Variants in AGBL3 observed in about 807,000 individuals in gnomAD.
The protein encoded by AGBL3 is cytosolic carboxypeptidase 3.
A neutral mutation model predicts 94.5 loss-of-function variants in AGBL3; 68 were observed. The ratio of observed to expected loss-of-function variants is 0.72; its 90% CI spans 0.59 to 0.88. AGBL3 has a LOEUF of 0.88. Ranked by LOEUF, AGBL3 falls within the 40% of genes least tolerant of loss-of-function variation. The probability of loss-of-function intolerance (pLI) is 0.00; values close to 1 mark genes in which losing one functional copy is unlikely to be tolerated. For missense variants in AGBL3, 934 were observed against 1,103.8 expected (o/e 0.85, Z 2.18); for synonymous variants, 354 against 370.7 (o/e 0.95, Z 0.52).
At chr7:135,050,297 C>G (rs1323167174) in intron 11 of AGBL3, among the ~76,000 whole-genome samples, 2 of 151,838 alleles carry the variant, frequency 1.3e-5, no homozygotes, top group Non-Finnish European at 2.9e-5. Context: ...TGTTTTGTGG[C>G]CTAACATGTG....
At chr7:135,007,376 C>T (rs958059507) in intron 4 of AGBL3, among the ~76,000 whole-genome samples, 9 of 151,752 alleles carry the variant, frequency 5.9e-5, no homozygotes, top group African/African-American at 2.2e-4. Flanking sequence ...GTTGTTTGTT[C>T]CCTGTACCCA....
chr7:135,061,924 T>C (rs1030562215), intron 12 of AGBL3, among the ~76,000 whole-genome samples: 5 of 152,096 alleles, frequency 3.3e-5, no homozygotes, highest in African/African-American at 7.2e-5. Context: ...AAAAATCCCA[T>C]TGGAATTTTG....
intron 4 of AGBL3, among the ~76,000 whole-genome samples, chr7:135,001,657 T>C (rs1811732297): frequency 6.6e-6 from 1 of 152,176 alleles, no homozygotes; most frequent in Non-Finnish European, 1.5e-5. Flanking sequence ...TCCTTTTGTC[T>C]TTCCCTATTC....
chr7:135,020,201 C>CA (rs1162068210), intron 5 of AGBL3, among the ~76,000 whole-genome samples: 12 of 103,564 alleles, frequency 1.2e-4, no homozygotes, highest in Non-Finnish European at 2.0e-4. Context: ...ACAAAGAACT[C>CA]AAACAAATTT....
At chr7:135,071,149 G>C (rs1351621971) in intron 12 of AGBL3, among the ~76,000 whole-genome samples, 1 of 151,988 alleles carries the variant, frequency 6.6e-6, no homozygotes, top group Non-Finnish European at 1.5e-5. Flanking sequence ...AAAATACCTA[G>C]GAATCCAACT....
intron 11 of AGBL3, among the ~76,000 whole-genome samples, chr7:135,054,063 C>G (rs1477343133): frequency 2.6e-5 from 4 of 152,108 alleles, no homozygotes; most frequent in African/African-American, 9.7e-5. Context: ...TGAAACACAT[C>G]AAGTCAGTAC....
At chr7:135,010,168 A>G in intron 4 of AGBL3, 1 of 364,628 alleles carries the variant, frequency 2.7e-6, no homozygotes, top group Non-Finnish European at 5.2e-6. Flanking sequence ...AGCAGAGACT[A>G]CAGGCGCGTG....
chr7:135,014,467 T>A (rs1056945335), intron 4 of AGBL3, among the ~76,000 whole-genome samples: 1 of 152,060 alleles, frequency 6.6e-6, no homozygotes, highest in African/African-American at 2.4e-5. Flanking sequence ...AAAAGTGGGA[T>A]CACCCAAAGA....
At chr7:134,997,399 G>GT (rs1285363511) in intron 4 of AGBL3, among the ~76,000 whole-genome samples, 2 of 152,108 alleles carry the variant, frequency 1.3e-5, no homozygotes, top group African/African-American at 4.8e-5. Context: ...GCTTCCAGTT[G>GT]TTCTCTCCCT....
At chr7:135,073,543 G>T (rs12707208) in intron 12 of AGBL3, among the ~76,000 whole-genome samples, 66,425 of 151,530 alleles carry the variant, frequency 0.44, 15,393 homozygotes, top group East Asian at 0.78. Flanking sequence ...GTAGTAGGAA[G>T]AGCCGCAGAC....
chr7:135,080,662 A>T (rs1001410243), intron 14 of AGBL3, among the ~76,000 whole-genome samples: 3 of 151,500 alleles, frequency 2.0e-5, no homozygotes, highest in Admixed American at 2.0e-4. Flanking sequence ...CAGGAGAGAA[A>T]TTAATTCATA....
chr7:135,003,175 AG>A (rs751791654), intron 4 of AGBL3, among the ~76,000 whole-genome samples: 40 of 152,148 alleles, frequency 2.6e-4, no homozygotes, highest in Non-Finnish European at 4.7e-4. Flanking sequence ...TTTTGATATA[AG>A]AAGTAAACTT....
At chr7:135,078,753 G>T (rs1352375914) in intron 13 of AGBL3, among the ~76,000 whole-genome samples, 1 of 152,040 alleles carries the variant, frequency 6.6e-6, no homozygotes, top group Non-Finnish European at 1.5e-5. Flanking sequence ...CTTTGAGAAA[G>T]TTGCATACAT....
chr7:135,019,091 C>T (rs1814131697), intron 5 of AGBL3, among the ~76,000 whole-genome samples: 1 of 152,178 alleles, frequency 6.6e-6, no homozygotes. Context: ...TTCAGTCATA[C>T]AGTAAGTACA....
chr7:135,054,627 C>T (rs1018177318), intron 11 of AGBL3, among the ~76,000 whole-genome samples: 27 of 152,002 alleles, frequency 1.8e-4, no homozygotes, highest in Non-Finnish European at 2.8e-4. Flanking sequence ...TAATAAACTA[C>T]TTATGTAGTT....
At chr7:134,999,181 C>T (rs1202565547) in intron 4 of AGBL3, among the ~76,000 whole-genome samples, 1 of 152,200 alleles carries the variant, frequency 6.6e-6, no homozygotes, top group African/African-American at 2.4e-5. Context: ...CAAATTGCCA[C>T]AGTATCTTCT....
chr7:135,048,143 T>C (rs577464960), intron 11 of AGBL3, among the ~76,000 whole-genome samples: 1 of 151,950 alleles, frequency 6.6e-6, no homozygotes, highest in Non-Finnish European at 1.5e-5. Context: ...GGCACCCGTA[T>C]TGAAGATTAT....
At chr7:135,058,621 G>GAA (rs563616702) in intron 11 of AGBL3, among the ~76,000 whole-genome samples, 1 of 146,230 alleles carries the variant, frequency 6.8e-6, no homozygotes, top group Non-Finnish European at 1.5e-5. Context: ...GAGCCAGACA[G>GAA]AAAAAAAAAA....
intron 15 of AGBL3, chr7:135,093,988 G>C (rs1441602079): frequency 5.8e-6 from 1 of 171,396 alleles, no homozygotes; most frequent in African/African-American, 2.4e-5. Context: ...AGGACAATTG[G>C]ATGGGGAAAA....
Sources: gnomAD v4.1 joint callset for allele counts (sites outside exome capture counted in the v4.1 genomes callset) on GRCh38, gnomAD v4.1.1 for gene constraint, MANE v1.5 for transcripts, NCBI Gene and HGNC (gene_info 2026-07-23, HGNC 2026-07-21) for gene names.